SUGCT: variants seen among roughly 807,000 people sequenced by gnomAD.
The protein encoded by SUGCT is succinyl-CoA:glutarate-CoA transferase.
A neutral mutation model predicts 55.0 loss-of-function variants in SUGCT; 41 were observed. The observed-to-expected ratio is 0.74, with a 90% confidence interval of 0.58 to 0.97. The LOEUF (loss-of-function observed/expected upper bound fraction) is 0.97, where lower values mean the gene tolerates loss of function less well. SUGCT is among the 50% of genes least tolerant of loss of function. The pLI is 0.00. For synonymous variants in SUGCT, 187 were observed against 200.4 expected, an observed-to-expected ratio of 0.93 and a Z score of 0.56; for missense variants, 568 against 547.8, an observed-to-expected ratio of 1.04 and a Z score of -0.37.
chr7:40,392,926 A>G (rs1410503959), intron 9 of SUGCT, among the ~76,000 whole-genome samples: 2 of 152,190 alleles, frequency 1.3e-5, no homozygotes, highest in Admixed American at 1.3e-4. Flanking sequence ...AACTGGGTGG[A>G]TTGTAGAGTC....
chr7:41,021,104 G>A, the SUGCT span, among the ~76,000 whole-genome samples: 23 of 152,304 alleles, frequency 1.5e-4, no homozygotes, highest in African/African-American at 5.1e-4. Context: ...AGTACAACAA[G>A]CTTGCACTAT....
chr7:40,515,100 A>G (rs1793161266), intron 12 of SUGCT, among the ~76,000 whole-genome samples: 1 of 152,166 alleles, frequency 6.6e-6, no homozygotes, highest in Admixed American at 6.5e-5. Flanking sequence ...ATTTTAATAC[A>G]TGTGTAGATT....
chr7:40,709,419 T>C (rs930196085), intron 12 of SUGCT, among the ~76,000 whole-genome samples: 3 of 152,136 alleles, frequency 2.0e-5, no homozygotes, highest in African/African-American at 4.8e-5. Context: ...GAGAGCAAGA[T>C]AGAAAAGGAG....
At chr7:40,970,307 G>T in the SUGCT span, among the ~76,000 whole-genome samples, 1 of 152,132 alleles carries the variant, frequency 6.6e-6, no homozygotes, top group East Asian at 1.9e-4. Context: ...GAGTAGGTGG[G>T]ATTACAGGCA....
intron 12 of SUGCT, among the ~76,000 whole-genome samples, chr7:40,612,011 CCT>C (rs1491360105): frequency 6.8e-6 from 1 of 147,620 alleles, no homozygotes; most frequent in African/African-American, 2.5e-5. Context: ...GATTCCCCCC[CCT>C]TTTTTTTTTT....
At chr7:40,676,894 C>CGTGTGTGTGTGTGTGTGTGT (rs3221667) in intron 12 of SUGCT, among the ~76,000 whole-genome samples, 4 of 143,972 alleles carry the variant, frequency 2.8e-5, no homozygotes, top group African/African-American at 1.0e-4. Context: ...TTCAGAATGA[C>CGTGTGTGTGTGTGTGTGTGT]GTGTGTGTGT....
At chr7:40,770,565 T>C (rs559573443) in intron 13 of SUGCT, among the ~76,000 whole-genome samples, 2 of 152,228 alleles carry the variant, frequency 1.3e-5, no homozygotes, top group South Asian at 4.1e-4. Context: ...CTGGAAGCTG[T>C]CAAATTATAC....
intron 13 of SUGCT, among the ~76,000 whole-genome samples, chr7:40,859,342 C>T (rs181292399): frequency 2.6e-5 from 4 of 152,294 alleles, no homozygotes; most frequent in Admixed American, 2.0e-4. Flanking sequence ...ACAGTTCCAG[C>T]GGACACAGAT....
At position 40,770,765 on chromosome 7, in the gene SUGCT, T is replaced by C. The variant is rs548769969; in HGVS notation, c.1153+21268T>C. 1.2e-4 allele frequency among the ~76,000 whole-genome samples: 18 copies of C among 152,298 alleles called. No homozygotes were observed. In the East Asian group the frequency reaches 2.9e-3, roughly 25 times the overall value. The stretch of plus-strand genomic sequence containing the variant: ...ACATCATCATTTAACTCAGTTTATA[T>C]AATTCCTGCTCTAGGAAGACTTTTT... On this transcript the variant is annotated intron_variant, in intron 13 of 13. Coordinates refer to ENST00000335693, the MANE Select transcript of SUGCT (RefSeq NM_001193313.2).
chr7:40,540,636 C>T (rs1794622531), intron 12 of SUGCT, among the ~76,000 whole-genome samples: 1 of 152,210 alleles, frequency 6.6e-6, no homozygotes, highest in South Asian at 2.1e-4. Flanking sequence ...TTTCTTACAC[C>T]AGGCTGTATA....
intron 12 of SUGCT, among the ~76,000 whole-genome samples, chr7:40,601,221 T>G (rs1798273901): frequency 6.6e-6 from 1 of 152,172 alleles, no homozygotes; most frequent in South Asian, 2.1e-4. Context: ...CAGGTGGGAA[T>G]CTGTAGAGTT....
chr7:40,928,594 A>G, the SUGCT span, among the ~76,000 whole-genome samples: 1 of 148,470 alleles, frequency 6.7e-6, no homozygotes. Flanking sequence ...TGAGGACAGT[A>G]AAACTCTAAT....
At chr7:40,662,373 G>GC (rs1801372695) in intron 12 of SUGCT, among the ~76,000 whole-genome samples, 1 of 152,164 alleles carries the variant, frequency 6.6e-6, no homozygotes, top group Non-Finnish European at 1.5e-5. Context: ...AAGTCAGACT[G>GC]CTATTTTAAA....
chr7:40,465,121 G>A (rs1263671650), intron 11 of SUGCT, among the ~76,000 whole-genome samples: 2 of 152,144 alleles, frequency 1.3e-5, no homozygotes, highest in African/African-American at 4.8e-5. Context: ...AAATACTGTG[G>A]CAATTCCTTT....
At chr7:40,684,628 T>G (rs148204914) in intron 12 of SUGCT, among the ~76,000 whole-genome samples, 253 of 152,300 alleles carry the variant, frequency 1.7e-3, no homozygotes, top group African/African-American at 5.9e-3. Flanking sequence ...TTTTTGAATT[T>G]TAGACATTTA....
Position 40,643,888 on chromosome 7 carries a change from G to GC in SUGCT, c.1090-105541dup, listed in dbSNP as rs1237722236. On this transcript the variant is annotated intron_variant, in intron 12 of 13. Coordinates refer to ENST00000335693, the MANE Select transcript of SUGCT (RefSeq NM_001193313.2). ...AGAGTAGCTGACTTTCTATGGCTCA[G>GC]CCCCCTGGGGCTTGCTTTCTGTCAG... Among the ~76,000 whole-genome samples, 8 of 152,298 alleles carry GC rather than the reference G, an allele frequency of 5.3e-5. No homozygotes were observed. The East Asian group carries it at 1.5e-3, about 29-fold the overall frequency.
chr7:40,976,171 G>T, the SUGCT span, among the ~76,000 whole-genome samples: 1 of 152,084 alleles, frequency 6.6e-6, no homozygotes, highest in East Asian at 1.9e-4. Flanking sequence ...CCATGAGGTG[G>T]GTCTATTTAC....
At chr7:40,624,011 T>C (rs1248072239) in intron 12 of SUGCT, among the ~76,000 whole-genome samples, 1 of 152,224 alleles carries the variant, frequency 6.6e-6, no homozygotes, top group Admixed American at 6.5e-5. Context: ...AGTATGTGGT[T>C]CATAGTAAAT....
chr7:40,360,550 G>T (rs1022985998), intron 9 of SUGCT, among the ~76,000 whole-genome samples: 17 of 152,326 alleles, frequency 1.1e-4, no homozygotes, highest in Non-Finnish European at 2.2e-4. Flanking sequence ...GAAAGTGAAG[G>T]TGGTGATGGA....
Sources: allele counts gnomAD v4.1 joint callset (sites outside exome capture counted in the v4.1 genomes callset), GRCh38; gene constraint gnomAD v4.1.1; transcripts MANE v1.5; gene names NCBI Gene and HGNC (gene_info 2026-07-23, HGNC 2026-07-21).